Variants in UMAD1 observed in about 807,000 individuals in gnomAD.
The protein encoded by UMAD1 is UBAP1-MVB12-associated (UMA)-domain containing protein 1.
In UMAD1, 8 loss-of-function variants were observed where a neutral mutation model predicts 6.1. The observed-to-expected ratio is 1.30, with a 90% CI of 0.76 to 2.35. The LOEUF is 2.35. UMAD1 is among the 30% of genes most tolerant of loss of function. The pLI is 0.00. For synonymous variants in UMAD1, 56 were observed against 31.4 expected, an observed-to-expected ratio of 1.78 and a Z score of -2.61; for missense variants, 130 against 78.4, an observed-to-expected ratio of 1.66 and a Z score of -2.49.
chr7:7,839,023 G>T (rs908038175), intron 3 of UMAD1, among the ~76,000 whole-genome samples: 2 of 152,178 alleles, frequency 1.3e-5, no homozygotes, highest in African/African-American at 2.4e-5. Context: ...GAATAGATGG[G>T]AGTGAGAGCA....
intron 2 of UMAD1, among the ~76,000 whole-genome samples, chr7:7,761,896 G>T (rs56044403): frequency 6.6e-6 from 1 of 151,732 alleles, no homozygotes; most frequent in Non-Finnish European, 1.5e-5. Context: ...CTTCTTATCC[G>T]TCTCCTTTGC....
At chr7:7,698,279 C>T (rs375848984) in intron 2 of UMAD1, among the ~76,000 whole-genome samples, 9 of 152,162 alleles carry the variant, frequency 5.9e-5, no homozygotes, top group African/African-American at 1.7e-4. Flanking sequence ...CAAAATATAA[C>T]AGTTCCCATT....
At chr7:7,707,497 T>C (rs1353465421) in intron 2 of UMAD1, among the ~76,000 whole-genome samples, 1 of 152,204 alleles carries the variant, frequency 6.6e-6, no homozygotes, top group African/African-American at 2.4e-5. Flanking sequence ...CCATATGCTC[T>C]CAAATTGCTT....
chr7:7,642,625 G>A (rs1450628559), intron 1 of UMAD1, among the ~76,000 whole-genome samples: 1 of 152,110 alleles, frequency 6.6e-6, no homozygotes. Flanking sequence ...GTATTTTTGA[G>A]TCACTTAAAA....
chr7:7,708,859 A>C (rs1480690851), intron 2 of UMAD1, among the ~76,000 whole-genome samples: 1 of 152,056 alleles, frequency 6.6e-6, no homozygotes, highest in African/African-American at 2.4e-5. Flanking sequence ...TATATATACA[A>C]ATACAGGCAG....
At chr7:7,658,877 A>C (rs952600870) in intron 1 of UMAD1, among the ~76,000 whole-genome samples, 8 of 152,282 alleles carry the variant, frequency 5.3e-5, no homozygotes, top group Middle Eastern at 3.4e-3. Flanking sequence ...TTCAGAAGGA[A>C]TGGTACCAGC....
At chr7:7,794,053 T>C (rs1034287496) in intron 2 of UMAD1, among the ~76,000 whole-genome samples, 2 of 152,228 alleles carry the variant, frequency 1.3e-5, no homozygotes, top group African/African-American at 4.8e-5. Context: ...TCTCATATTT[T>C]TGACCATAGA....
At chr7:7,726,481 A>G (rs1781139752) in intron 2 of UMAD1, among the ~76,000 whole-genome samples, 1 of 152,248 alleles carries the variant, frequency 6.6e-6, no homozygotes, top group South Asian at 2.1e-4. Flanking sequence ...AACACTTTAC[A>G]GGGCTGACGC....
intron 3 of UMAD1, among the ~76,000 whole-genome samples, chr7:7,827,626 T>G (rs1463752982): frequency 1.3e-5 from 2 of 152,168 alleles, no homozygotes; most frequent in Non-Finnish European, 2.9e-5. Flanking sequence ...ACTAAAAATT[T>G]TAAATGCATA....
At chr7:7,762,931 T>G (rs755405466) in intron 2 of UMAD1, among the ~76,000 whole-genome samples, 3 of 152,210 alleles carry the variant, frequency 2.0e-5, no homozygotes, top group Non-Finnish European at 2.9e-5. Context: ...TTGTTTTAAA[T>G]GCTTTTAAGC....
chr7:7,794,802 C>T (rs373448305), intron 2 of UMAD1, among the ~76,000 whole-genome samples: 1 of 152,236 alleles, frequency 6.6e-6, no homozygotes, highest in East Asian at 1.9e-4. Context: ...AATCTCCTTC[C>T]CTTTCTAGAT....
At chr7:7,818,485 G>A (rs1783175317) in intron 3 of UMAD1, among the ~76,000 whole-genome samples, 1 of 152,148 alleles carries the variant, frequency 6.6e-6, no homozygotes, top group South Asian at 2.1e-4. Flanking sequence ...ACATCAGTCA[G>A]AATGGCTATT....
chr7:7,746,955 T>TTGTG lies in UMAD1; in HGVS notation c.83-54685_83-54682dup, dbSNP rs36223422. Among the ~76,000 whole-genome samples the TTGTG allele has an allele frequency of 2.1e-3, 306 of 148,620 alleles. 1 individual carries two copies. The highest frequency in any genetic ancestry group is 5.2e-3 in the African/African-American group (214 of 40,946). Reference sequence around the variant, plus strand: ...TATTTCTTTTAAGTGGAGTGCATGTTTGTGTGTGTGTGTGTGTGTGTGTGT... The same window carrying TTGTG: ...TATTTCTTTTAAGTGGAGTGCATGTTTGTGTGTGTGTGTGTGTGTGTGTGTGTGT... On this transcript the variant is annotated intron_variant, in intron 2 of 3. Coordinates refer to ENST00000682710, the MANE Select transcript of UMAD1 (RefSeq NM_001302348.2).
At chr7:7,801,150 G>C (rs1225829005) in intron 2 of UMAD1, among the ~76,000 whole-genome samples, 1 of 152,156 alleles carries the variant, frequency 6.6e-6, no homozygotes, top group Non-Finnish European at 1.5e-5. Flanking sequence ...AGTATTAAGT[G>C]AAGGCTAGTT....
intron 1 of UMAD1, among the ~76,000 whole-genome samples, chr7:7,669,250 A>G (rs1412504737): frequency 3.3e-5 from 5 of 152,162 alleles, no homozygotes; most frequent in African/African-American, 7.2e-5. Flanking sequence ...AAACGATTGT[A>G]TACGGTATTT....
intron 2 of UMAD1, among the ~76,000 whole-genome samples, chr7:7,679,743 T>C (rs901701295): frequency 6.8e-6 from 1 of 146,604 alleles, no homozygotes; most frequent in Non-Finnish European, 1.5e-5. Context: ...CACACACACA[T>C]ATTAAGAGGC....
chr7:7,659,320 T>A (rs923629447), intron 1 of UMAD1, among the ~76,000 whole-genome samples: 1 of 152,152 alleles, frequency 6.6e-6, no homozygotes, highest in Non-Finnish European at 1.5e-5. Flanking sequence ...TTTGCTCTGA[T>A]CTTAGTTATT....
intron 2 of UMAD1, among the ~76,000 whole-genome samples, chr7:7,717,902 A>G (rs1780956651): frequency 6.6e-6 from 1 of 152,240 alleles, no homozygotes; most frequent in South Asian, 2.1e-4. Context: ...TCTGTTTACC[A>G]AACTTTTCTA....
At chr7:7,711,054 G>T (rs1780750079) in intron 2 of UMAD1, among the ~76,000 whole-genome samples, 2 of 152,170 alleles carry the variant, frequency 1.3e-5, no homozygotes, top group African/African-American at 2.4e-5. Context: ...AAAGTTAGAG[G>T]CAAGTGTGTG....
Sources: allele counts gnomAD v4.1 joint callset (sites outside exome capture counted in the v4.1 genomes callset), GRCh38; gene constraint gnomAD v4.1.1; transcripts MANE v1.5; gene names NCBI Gene and HGNC (gene_info 2026-07-23, HGNC 2026-07-21).